SVEP1: variants seen among roughly 807,000 people sequenced by gnomAD.
SVEP1 encodes the protein sushi, von Willebrand factor type A, EGF and pentraxin domain-containing protein 1.
In SVEP1, 164 loss-of-function variants were observed where a neutral mutation model predicts 367.3. The observed-to-expected ratio is 0.45, with a 90% CI of 0.39 to 0.51. SVEP1 has a LOEUF of 0.51. Ranked by LOEUF, SVEP1 falls within the 20% of genes least tolerant of loss-of-function variation. SVEP1 has a pLI of 0.00. For synonymous variants in SVEP1, 1,666 were observed against 1,611.6 expected (o/e 1.03, Z -0.81); for missense variants, 4,117 against 4,425.3 (o/e 0.93, Z 1.98).
intron 1 of SVEP1, among the ~76,000 whole-genome samples, chr9:110,554,591 C>T: frequency 6.6e-6 from 1 of 151,936 alleles, no homozygotes; most frequent in East Asian, 1.9e-4. Context: ...AAAAACATGC[C>T]CAGAAGAATC....
rs1827201214 is a variant in SVEP1, at chr9:110,366,478, C to A, written c.*61G>T. The A allele has an allele frequency of 2.0e-6, 3 of 1,469,104 alleles. No individual in the cohort carries two copies. The East Asian group carries it at 7.3e-5, about 36-fold the overall frequency. The allele number at this position is 1,469,104 out of a possible 1,614,324, so 91.0% of individuals were successfully genotyped here. A position where few individuals can be genotyped will look rare whatever the true frequency, so the allele number is the denominator to read the frequency against. On this transcript the variant is annotated 3_prime_UTR_variant, in exon 48 of 48. Coordinates refer to ENST00000374469, the MANE Select transcript of SVEP1 (RefSeq NM_153366.4). ...CTTTCTTTGCATAAGTTCCAGGATG[C>A]CCAGGCACTACCGAGGAGAGATGAT... is the stretch of plus-strand genomic sequence containing the variant.
intron 9 of SVEP1, among the ~76,000 whole-genome samples, chr9:110,488,989 T>C (rs981165944): frequency 2.0e-5 from 3 of 152,184 alleles, no homozygotes; most frequent in Non-Finnish European, 2.9e-5. Context: ...CAGTAGTTTA[T>C]ACGAGTGAAG....
intron 40 of SVEP1, among the ~76,000 whole-genome samples, chr9:110,389,999 ATGT>A (rs1226039681): frequency 8.1e-6 from 1 of 123,330 alleles, no homozygotes; most frequent in East Asian, 5.4e-4. Context: ...AACACATGTG[ATGT>A]ATACACATAA....
intron 14 of SVEP1, among the ~76,000 whole-genome samples, chr9:110,473,455 TAC>T (rs150025552): frequency 0.014 from 2,081 of 143,998 alleles, 49 homozygotes; most frequent in African/African-American, 0.05. Context: ...TACATATACA[TAC>T]ACACACACAA....
chr9:110,399,718 G>A (rs1348814371), intron 40 of SVEP1, among the ~76,000 whole-genome samples: 1 of 151,970 alleles, frequency 6.6e-6, no homozygotes, highest in Non-Finnish European at 1.5e-5. Context: ...ATTTTTTGTG[G>A]AGACTGGGTC....
chr9:110,528,156 G>GTATATATATATATATATATA (rs59360366), intron 3 of SVEP1, among the ~76,000 whole-genome samples: 5 of 33,948 alleles, frequency 1.5e-4, no homozygotes, highest in African/African-American at 3.2e-4. Context: ...GTGTGTGTGT[G>GTATATATATATATATATATA]TATATATATA....
At position 110,434,456 on chromosome 9, in the gene SVEP1, C is replaced by T; in HGVS notation, c.4939G>A (p.Asp1647Asn). ...SVPHLRTASE[D>N]LKPGSKVNLF... The stretch of plus-strand genomic sequence containing the variant: ...TTGACTTTGGAACCTGGCTTTAAAT[C>T]TTCAGATGCAGTTCTCAGATGAGGC... Residue 1647 changes from aspartate to asparagine, a missense_variant, in exon 30 of 48, where the codon GAT (aspartate) becomes AAT (asparagine). Coordinates refer to ENST00000374469, the MANE Select transcript of SVEP1 (RefSeq NM_153366.4). 1 of 1,613,496 alleles carries T rather than the reference C, an allele frequency of 6.2e-7. No homozygotes were observed. The highest frequency in any genetic ancestry group is 1.1e-5 in the South Asian group (1 of 91,006).
At chr9:110,483,546 C>A (rs775819903) in intron 10 of SVEP1, 40 bp downstream of exon 10, 5 of 1,450,524 alleles carry the variant, frequency 3.4e-6, no homozygotes, top group East Asian at 4.7e-5. Context: ...AAAAAGAATT[C>A]ATTGCTACTA....
chr9:110,372,463 A>G (rs1037904376), intron 46 of SVEP1, among the ~76,000 whole-genome samples: 1 of 152,224 alleles, frequency 6.6e-6, no homozygotes. Context: ...CGAAGGCTAT[A>G]GAGTTCAGTG....
chr9:110,429,864 A>C (rs1828323497), intron 34 of SVEP1, 56 bp downstream of exon 34: 4 of 1,450,396 alleles, frequency 2.8e-6, no homozygotes, highest in African/African-American at 1.4e-5. Flanking sequence ...GTGTTATATC[A>C]CTACCAGTAT....
chr9:110,551,544 A>G (rs1346977574), intron 1 of SVEP1, among the ~76,000 whole-genome samples: 1 of 152,220 alleles, frequency 6.6e-6, no homozygotes, highest in Non-Finnish European at 1.5e-5. Flanking sequence ...GGAAAATCGT[A>G]CAGATGGGAC....
chr9:110,367,936 G>A (rs1827223200), intron 47 of SVEP1, among the ~76,000 whole-genome samples: 1 of 152,066 alleles, frequency 6.6e-6, no homozygotes, highest in Admixed American at 6.6e-5. Context: ...CAAAAATTAG[G>A]TGGGTGTGGT....
At chr9:110,531,192 A>G (rs995517820) in intron 3 of SVEP1, among the ~76,000 whole-genome samples, 5 of 152,178 alleles carry the variant, frequency 3.3e-5, no homozygotes, top group African/African-American at 1.2e-4. Context: ...TTTGTCTTAA[A>G]TATTTCATAT....
chr9:110,549,051 T>TC (rs928918329), intron 2 of SVEP1, among the ~76,000 whole-genome samples: 4 of 152,166 alleles, frequency 2.6e-5, no homozygotes, highest in Admixed American at 2.6e-4. Context: ...GCCATGGTTT[T>TC]CCCCTCAAAC....
chr9:110,511,488 C>CTTTTTTTTTTTTT (rs199993986), intron 5 of SVEP1, among the ~76,000 whole-genome samples: 8 of 77,568 alleles, frequency 1.0e-4, no homozygotes, highest in Non-Finnish European at 1.7e-4. Flanking sequence ...GTGTCAGTAC[C>CTTTTTTTTTTTTT]TTTTTTTTTT....
At position 110,579,468 on chromosome 9, in the gene SVEP1, G is replaced by A. The variant is rs1338144412; in HGVS notation, c.76C>T (p.Pro26Ser). ...AGGCGGAAGCTGAAATTGCGCGACG[G>A]GGACATCTGCTGAAAGGTCGCCCAG... ...SGWATFQQMSPSRNFSFRLFP... is the reference protein window; with the variant it reads ...SGWATFQQMSSSRNFSFRLFP... The change falls in exon 1 of 48, where the codon CCG becomes TCG. Residue 26 changes from proline (P) to serine (S), a missense_variant. Coordinates refer to ENST00000374469, the MANE Select transcript of SVEP1 (RefSeq NM_153366.4). This position sits in a 1 kb window ranked among gnomAD's most constrained non-coding sequence, Gnocchi z 5.3. The A allele has an allele frequency of 3.1e-6, 5 of 1,603,418 alleles. No individual in the cohort carries two copies. Among genetic ancestry groups the A allele is most frequent in the East Asian group, 2.2e-5 (1 of 44,496 alleles).
At chr9:110,427,934 A>G (rs1828279934) in intron 35 of SVEP1, among the ~76,000 whole-genome samples, 176 bp from the exon 36 acceptor site, 1 of 152,240 alleles carries the variant, frequency 6.6e-6, no homozygotes, top group African/African-American at 2.4e-5. Flanking sequence ...AACAAGCTAT[A>G]CACCATTTGA....
intron 36 of SVEP1, among the ~76,000 whole-genome samples, chr9:110,414,434 G>C (rs1828087688): frequency 6.6e-6 from 1 of 151,968 alleles, no homozygotes; most frequent in Admixed American, 6.6e-5. Flanking sequence ...CAATAGTTGA[G>C]TACAGCCCCC....
intron 36 of SVEP1, among the ~76,000 whole-genome samples, chr9:110,423,767 G>T (rs1051021896): frequency 6.6e-6 from 1 of 152,030 alleles, no homozygotes; most frequent in Non-Finnish European, 1.5e-5. Context: ...AAAAGGGATT[G>T]GTTTCCTGAA....
Sources: allele counts gnomAD v4.1 joint callset (sites outside exome capture counted in the v4.1 genomes callset), GRCh38; gene constraint gnomAD v4.1.1; non-coding constraint Gnocchi (gnomAD v3.1); transcripts MANE v1.5; gene names NCBI Gene and HGNC (gene_info 2026-07-23, HGNC 2026-07-21).